The following MAD1L1 variants were observed in gnomAD, a reference collection of about 807,000 sequenced individuals.
MAD1L1 encodes the protein mitotic spindle assembly checkpoint protein MAD1.
MAD1L1 carries 95 observed loss-of-function variants against 96.9 expected under a neutral mutation model. The observed-to-expected ratio is 0.98, with a 90% confidence interval of 0.83 to 1.16. The LOEUF (loss-of-function observed/expected upper bound fraction) is 1.16, where lower values mean the gene tolerates loss of function less well. MAD1L1 is among the 50% of genes most tolerant of loss of function. The pLI is 0.00. For missense variants in MAD1L1, 1,007 were observed against 954.4 expected, an observed-to-expected ratio of 1.06 and a Z score of -0.73; for synonymous variants, 473 against 396.6, an observed-to-expected ratio of 1.19 and a Z score of -2.29.
At chr7:1,914,033 C>T (rs1185171646) in intron 17 of MAD1L1, among the ~76,000 whole-genome samples, 6 of 152,210 alleles carry the variant, frequency 3.9e-5, no homozygotes, top group Admixed American at 2.0e-4. Flanking sequence ...CCCCCCAGCA[C>T]GCCTGTCCAC....
intron 3 of MAD1L1, among the ~76,000 whole-genome samples, chr7:2,226,080 C>G (rs1240344681): frequency 6.6e-6 from 1 of 152,226 alleles, no homozygotes; most frequent in Non-Finnish European, 1.5e-5. Flanking sequence ...CATCAAATCC[C>G]TCTCCTGCTA....
At chr7:1,971,996 T>C (rs73275223) in intron 15 of MAD1L1, among the ~76,000 whole-genome samples, 2,825 of 152,290 alleles carry the variant, frequency 0.019, 96 homozygotes, top group African/African-American at 0.064. Context: ...GTGTCCTCTT[T>C]ACCCAATCTC....
rs1250610548 is a variant in MAD1L1 at position 2,156,835 on chromosome 7, A to G, written c.987-7597T>C. 3.3e-5 allele frequency among the ~76,000 whole-genome samples: 5 copies of G among 151,594 alleles called. No individual in the cohort carries two copies. The East Asian group carries it at 9.6e-4, about 29-fold the overall frequency. On this transcript the variant is annotated intron_variant, in intron 10 of 18. Transcript: ENST00000265854. ...AGACTCCATCTCAAAAAAAAAAAAA[A>G]AGAAAGAAAGAAAAGGAAAAGAAAA...
intron 18 of MAD1L1, among the ~76,000 whole-genome samples, chr7:1,816,657 A>AG (rs1179197197): frequency 6.6e-6 from 1 of 152,014 alleles, no homozygotes; most frequent in Non-Finnish European, 1.5e-5. Flanking sequence ...CCACTTGTGC[A>AG]GGGGGGCGCT....
intron 17 of MAD1L1, among the ~76,000 whole-genome samples, chr7:1,934,088 G>A (rs1212511084): frequency 6.6e-6 from 1 of 152,192 alleles, no homozygotes; most frequent in Non-Finnish European, 1.5e-5. Context: ...TGTGATTTTT[G>A]GGGGCACAGA....
At chr7:1,986,088 G>A (rs756673624) in intron 14 of MAD1L1, among the ~76,000 whole-genome samples, 8 of 152,032 alleles carry the variant, frequency 5.3e-5, no homozygotes, top group African/African-American at 9.7e-5. Flanking sequence ...TATTGAATCC[G>A]GCTCCGTGCA....
chr7:2,099,098 A>G (rs1162031841), intron 11 of MAD1L1, among the ~76,000 whole-genome samples: 1 of 152,190 alleles, frequency 6.6e-6, no homozygotes, highest in Non-Finnish European at 1.5e-5. Flanking sequence ...GTGGCTGAAG[A>G]GGGTGAGCTT....
intron 18 of MAD1L1, among the ~76,000 whole-genome samples, chr7:1,825,080 A>G (rs1583478158): frequency 6.6e-6 from 1 of 152,162 alleles, no homozygotes; most frequent in Non-Finnish European, 1.5e-5. Context: ...CATTTTCCAG[A>G]TTTTTTTATA....
At chr7:2,030,171 G>C (rs1402400946) in intron 12 of MAD1L1, among the ~76,000 whole-genome samples, 1 of 152,202 alleles carries the variant, frequency 6.6e-6, no homozygotes, top group Non-Finnish European at 1.5e-5. Context: ...ACCCAGAGCT[G>C]TGTACAGGTG....
At chr7:1,887,142 C>A (rs544985704) in intron 18 of MAD1L1, among the ~76,000 whole-genome samples, 2 of 152,194 alleles carry the variant, frequency 1.3e-5, no homozygotes, top group South Asian at 2.1e-4. Context: ...GCTTTCCCTG[C>A]CTCCTCTGGA....
chr7:2,226,292 G>A (rs1793891045), intron 3 of MAD1L1, among the ~76,000 whole-genome samples: 2 of 152,224 alleles, frequency 1.3e-5, no homozygotes, highest in Admixed American at 6.5e-5. Flanking sequence ...CTGGGAGGCA[G>A]TAGGAAGGTG....
At chr7:2,042,278 C>G (rs533970814) in intron 12 of MAD1L1, among the ~76,000 whole-genome samples, 3 of 133,642 alleles carry the variant, frequency 2.2e-5, no homozygotes, top group South Asian at 4.6e-4. Context: ...TGCACACACA[C>G]GCGCACATGG....
chr7:2,227,761 C>T lies in MAD1L1; in HGVS notation c.151-2211G>A, dbSNP rs552108527. On this transcript the variant is annotated intron_variant, in intron 3 of 18. Transcript: ENST00000265854. Reference sequence around the variant, plus strand: ...AAACTCAGCAGCCTTCCTGGTCTCACTTCTGTGTCTGCAGTCAAGCCTGAG... The same window carrying T: ...AAACTCAGCAGCCTTCCTGGTCTCATTTCTGTGTCTGCAGTCAAGCCTGAG... 1.6e-3 allele frequency among the ~76,000 whole-genome samples: 246 copies of T among 152,342 alleles called. 1 individual carries two copies. Among genetic ancestry groups the T allele is most frequent in the African/African-American group, 5.6e-3 (233 of 41,582 alleles).
chr7:1,929,198 C>A (rs1434272313), intron 17 of MAD1L1, among the ~76,000 whole-genome samples: 1 of 151,972 alleles, frequency 6.6e-6, no homozygotes, highest in East Asian at 1.9e-4. Flanking sequence ...CCTCCCTTCT[C>A]CTCCCTGGTA....
intron 11 of MAD1L1, among the ~76,000 whole-genome samples, chr7:2,123,035 G>C (rs1424905068): frequency 1.3e-5 from 2 of 150,886 alleles, no homozygotes; most frequent in Non-Finnish European, 3.0e-5. Context: ...CGGGCGCAGT[G>C]GCTCACACCT....
At chr7:2,029,569 C>T (rs1325994405) in intron 12 of MAD1L1, among the ~76,000 whole-genome samples, 1 of 152,116 alleles carries the variant, frequency 6.6e-6, no homozygotes, top group Admixed American at 6.5e-5. Flanking sequence ...GATTAAAAGG[C>T]AGTAATTTTT....
intron 17 of MAD1L1, among the ~76,000 whole-genome samples, chr7:1,906,655 G>A (rs1163727822): frequency 3.9e-5 from 6 of 152,344 alleles, no homozygotes; most frequent in Admixed American, 6.5e-5. Flanking sequence ...TCCCTGCGGC[G>A]CACCCTGAGC....
intron 12 of MAD1L1, among the ~76,000 whole-genome samples, chr7:2,060,838 T>G (rs548617031): frequency 2.0e-5 from 3 of 152,328 alleles, no homozygotes; most frequent in African/African-American, 7.2e-5. Flanking sequence ...CTTCACAACT[T>G]TGGCAGGCAA....
intron 17 of MAD1L1, among the ~76,000 whole-genome samples, chr7:1,921,422 G>T (rs956155161): frequency 1.3e-5 from 2 of 151,522 alleles, no homozygotes; most frequent in Non-Finnish European, 2.9e-5. Flanking sequence ...AGGTTCAGGC[G>T]ATTCTCCCAC....
Sources: gnomAD v4.1 joint callset for allele counts (sites outside exome capture counted in the v4.1 genomes callset) on GRCh38, gnomAD v4.1.1 for gene constraint, MANE v1.5 for transcripts, NCBI Gene and HGNC (gene_info 2026-07-23, HGNC 2026-07-21) for gene names.